The following TACR3 variants were observed in gnomAD, a reference collection of about 807,000 sequenced individuals.
TACR3 encodes tachykinin receptor 3.
TACR3 carries 34 observed loss-of-function variants against 35.0 expected under a neutral mutation model. That is an observed-to-expected ratio of 0.97 (90% CI 0.74 to 1.30). The LOEUF (loss-of-function observed/expected upper bound fraction) is 1.30. Ranked by LOEUF, TACR3 falls within the 50% of genes most tolerant of loss-of-function variation. The probability of loss-of-function intolerance (pLI) is 0.00; values close to 1 mark genes in which losing one functional copy is unlikely to be tolerated. For synonymous variants in TACR3, 233 were observed against 221.1 expected, an observed-to-expected ratio of 1.05 and a Z score of -0.48; for missense variants, 558 against 591.7, an observed-to-expected ratio of 0.94 and a Z score of 0.59.
chr4:103,648,009 A>G (rs1725498000), intron 3 of TACR3, among the ~76,000 whole-genome samples: 1 of 152,014 alleles, frequency 6.6e-6, no homozygotes, highest in African/African-American at 2.4e-5. Flanking sequence ...AATTGACCAC[A>G]GTTCCTAAAA....
In TACR3 at chr4:103,700,851, C is replaced by T. The variant is rs184211532; in HGVS notation, c.548+18277G>A. 1.5e-3 allele frequency among the ~76,000 whole-genome samples: 234 copies of T among 152,212 alleles called. 3 individuals carry two copies. In the East Asian group the frequency reaches 0.018, roughly 12 times the overall value. ...AAAGGCCTTTGACAAAATTCAACAA[C>T]GCTTCATGCTAAAAACTCAATAAAT... On this transcript the variant is annotated intron_variant, in intron 1 of 4. Coordinates refer to ENST00000304883, the MANE Select transcript of TACR3 (RefSeq NM_001059.3).
At position 103,605,755 on chromosome 4, in the gene TACR3, T is replaced by G. The variant is rs1041263536; in HGVS notation, c.889-14072A>C. Among the ~76,000 whole-genome samples, 5 of 151,634 alleles carry G rather than the reference T, an allele frequency of 3.3e-5. No individual in the cohort carries two copies. The South Asian group carries it at 6.2e-4, about 19-fold the overall frequency. ...TGTCAGATGAGTAGGTTGTGAAAAT[T>G]TTCTCCCATTTTGTAGGTTGCCTGT... On this transcript the variant is annotated intron_variant, in intron 3 of 4. Coordinates refer to ENST00000304883, the MANE Select transcript of TACR3 (RefSeq NM_001059.3).
chr4:103,678,226 A>C (rs1442880110), intron 1 of TACR3, among the ~76,000 whole-genome samples: 1 of 144,504 alleles, frequency 6.9e-6, no homozygotes, highest in East Asian at 2.1e-4. Context: ...CCTTTCAGTT[A>C]TGTCTGATGT....
intron 1 of TACR3, among the ~76,000 whole-genome samples, chr4:103,714,961 G>A (rs796665506): frequency 9.9e-5 from 15 of 152,062 alleles, no homozygotes; most frequent in African/African-American, 3.6e-4. Flanking sequence ...TGAAATAGAA[G>A]ATTACCAAAT....
intron 3 of TACR3, among the ~76,000 whole-genome samples, chr4:103,597,040 T>C (rs992836837): frequency 6.6e-6 from 1 of 152,116 alleles, no homozygotes; most frequent in Non-Finnish European, 1.5e-5. Context: ...TTTGCTATTG[T>C]GAATAGTGCC....
At chr4:103,699,648 G>T (rs983510025) in intron 1 of TACR3, among the ~76,000 whole-genome samples, 1 of 152,128 alleles carries the variant, frequency 6.6e-6, no homozygotes, top group African/African-American at 2.4e-5. Context: ...AGCAGCAGTA[G>T]GAGTCTTAAG....
chr4:103,692,262 G>T (rs1190758531), intron 1 of TACR3, among the ~76,000 whole-genome samples: 1 of 152,038 alleles, frequency 6.6e-6, no homozygotes, highest in Non-Finnish European at 1.5e-5. Flanking sequence ...CAGAAGAAAA[G>T]ATTTGCTATA....
At chr4:103,688,895 C>G (rs1722323634) in intron 1 of TACR3, among the ~76,000 whole-genome samples, 1 of 152,128 alleles carries the variant, frequency 6.6e-6, no homozygotes, top group Non-Finnish European at 1.5e-5. Flanking sequence ...CATCCCATTA[C>G]TGGGTATATA....
chr4:103,623,125 G>A (rs1017415063), intron 3 of TACR3, among the ~76,000 whole-genome samples: 1 of 151,862 alleles, frequency 6.6e-6, no homozygotes, highest in Non-Finnish European at 1.5e-5. Context: ...CTTCACAGGA[G>A]GATTTAAGAT....
intron 3 of TACR3, among the ~76,000 whole-genome samples, chr4:103,610,461 T>A (rs1463359620): frequency 2.0e-5 from 3 of 152,094 alleles, no homozygotes. Flanking sequence ...TATCCATTTT[T>A]AAATTTTATT....
intron 3 of TACR3, among the ~76,000 whole-genome samples, chr4:103,598,562 T>C (rs1724101674): frequency 6.6e-6 from 1 of 152,202 alleles, no homozygotes; most frequent in Non-Finnish European, 1.5e-5. Flanking sequence ...GCCTATGTTT[T>C]CTTCTAGGGT....
At chr4:103,704,162 A>C (rs1722732911) in intron 1 of TACR3, among the ~76,000 whole-genome samples, 1 of 150,598 alleles carries the variant, frequency 6.6e-6, no homozygotes, top group South Asian at 2.1e-4. Flanking sequence ...TTGGTAATAC[A>C]TTTAGCAACA....
In TACR3 at chr4:103,656,183, T is replaced by G. The variant is rs1341713878; in HGVS notation, c.888+11A>C. The G allele has an allele frequency of 6.2e-7, 1 of 1,612,564 alleles. No individual in the cohort carries two copies. Among genetic ancestry groups the G allele is most frequent in the African/African-American group, 1.3e-5 (1 of 74,846 alleles). On this transcript the variant is annotated intron_variant, in intron 3 of 4. Coordinates refer to ENST00000304883, the MANE Select transcript of TACR3 (RefSeq NM_001059.3). ...CTATACAAATGCTAGGTAAACAACA[T>G]GGACCAGTACCTTTCTTTTGGCCTT... is the stretch of plus-strand genomic sequence containing the variant.
intron 1 of TACR3, among the ~76,000 whole-genome samples, chr4:103,702,752 G>A (rs1722686403): frequency 6.6e-6 from 1 of 151,868 alleles, no homozygotes; most frequent in Non-Finnish European, 1.5e-5. Flanking sequence ...TTCCTTGTAG[G>A]GACATGGATG....
intron 3 of TACR3, among the ~76,000 whole-genome samples, chr4:103,592,184 C>A (rs1322824127): frequency 1.2e-4 from 18 of 152,174 alleles, no homozygotes; most frequent in Admixed American, 1.2e-3. Context: ...AGCCTGCTCA[C>A]TACGTAACCT....
At chr4:103,658,121 G>T in intron 2 of TACR3, 94 bp downstream of exon 2, 5 of 1,225,946 alleles carry the variant, frequency 4.1e-6, no homozygotes, top group South Asian at 1.2e-5. Context: ...AACCCTGGGG[G>T]AAATGTCAGT....
intron 3 of TACR3, among the ~76,000 whole-genome samples, chr4:103,653,881 G>A (rs1205389080): frequency 1.3e-5 from 2 of 152,140 alleles, no homozygotes; most frequent in African/African-American, 4.8e-5. Context: ...CAAAAAGTGG[G>A]CGAAGGATAT....
rs1314088237 is a variant in TACR3 at position 103,628,770 on chromosome 4, AAG to A, written c.888+27422_888+27423del. Among the ~76,000 whole-genome samples the A allele has an allele frequency of 1.2e-4, 19 of 152,320 alleles. No individual in the cohort carries two copies. The East Asian group carries it at 3.7e-3, about 29-fold the overall frequency. ...GTGAAACTATTCCAATCAATAGAAA[AAG>A]AGGGAATCCTCCCTAACTCATTTTA... On this transcript the variant is annotated intron_variant, in intron 3 of 4. Transcript: ENST00000304883.
At chr4:103,592,765 A>G (rs1723922158) in intron 3 of TACR3, among the ~76,000 whole-genome samples, 1 of 152,210 alleles carries the variant, frequency 6.6e-6, no homozygotes, top group Admixed American at 6.6e-5. Flanking sequence ...TATTTATGAA[A>G]TGGACTTGTC....
Sources: allele counts gnomAD v4.1 joint callset (sites outside exome capture counted in the v4.1 genomes callset), GRCh38; gene constraint gnomAD v4.1.1; transcripts MANE v1.5; gene names NCBI Gene and HGNC (gene_info 2026-07-23, HGNC 2026-07-21).